The following MROH1 variants were observed in gnomAD, a reference collection of about 807,000 sequenced individuals.
MROH1 encodes maestro heat-like repeat-containing protein family member 1.
MROH1 carries 117 observed loss-of-function variants against 116.5 expected under a neutral mutation model. The ratio of observed to expected loss-of-function variants is 1.00; its 90% CI spans 0.86 to 1.17. The LOEUF is 1.17. Ranked by LOEUF, MROH1 falls within the 50% of genes most tolerant of loss-of-function variation. The pLI is 0.00. For missense variants in MROH1, 1,873 were observed against 1,338.5 expected (o/e 1.40, Z -6.23); for synonymous variants, 921 against 583.9 (o/e 1.58, Z -8.32).
intron 32 of MROH1, 107 bp downstream of exon 32, chr8:144,249,136 C>A (rs920580673): frequency 3.9e-5 from 27 of 684,988 alleles, no homozygotes; most frequent in Non-Finnish European, 6.4e-5. Context: ...GGTGGCACTG[C>A]GGGAGAAAAC....
At position 144,247,354 on chromosome 8, in the gene MROH1, G is replaced by A; in HGVS notation, c.2925G>A (p.Arg975=). Residue 975 remains arginine (R), a synonymous_variant, in exon 30 of 44, where the codon CGG becomes CGA. Coordinates refer to ENST00000326134, the MANE Select transcript of MROH1 (RefSeq NM_032450.3). The part of the protein sequence containing the change: ...LGLLIGLFSP[R]CADLWPATRQ... ...TTCTCATCGGCCTCTTCTCCCCACGGTGTGCGGACCTGTGGCCTGCCACCC... is the reference window on the plus strand; with the variant it reads ...TTCTCATCGGCCTCTTCTCCCCACGATGTGCGGACCTGTGGCCTGCCACCC... The A allele has an allele frequency of 1.3e-6, 1 of 773,148 alleles. No individual in the cohort carries two copies. The highest frequency in any genetic ancestry group is 1.7e-5 in the Admixed American group (1 of 58,278). 47.9% of individuals were successfully genotyped at this position (773,148 alleles called of 1,614,324 possible). A position where few individuals can be genotyped will look rare whatever the true frequency, so the allele number is the denominator to read the frequency against.
At chr8:144,226,928 C>A (rs1837930188) in intron 14 of MROH1, among the ~76,000 whole-genome samples, 1 of 152,150 alleles carries the variant, frequency 6.6e-6, no homozygotes, top group South Asian at 2.1e-4. Flanking sequence ...TTATTTAGAT[C>A]TTCGATTTTG....
In MROH1 at chr8:144,261,228, C is replaced by T. The variant is rs1263936492; in HGVS notation, c.4774+12C>T. 1 of 763,266 alleles carries T rather than the reference C, an allele frequency of 1.3e-6. No homozygotes were observed. The allele number at this position is 763,266 out of a possible 1,614,324, so 47.3% of individuals were successfully genotyped here. A position where few individuals can be genotyped will look rare whatever the true frequency, so the allele number is the denominator to read the frequency against. Reference sequence around the variant, plus strand: ...ACCCCTGTTCACCGGTAAGCACCACCCCCTGCCCCACCCCCACGCCGCCCG... The same window carrying T: ...ACCCCTGTTCACCGGTAAGCACCACTCCCTGCCCCACCCCCACGCCGCCCG... On this transcript the variant is annotated intron_variant, in intron 42 of 43. Coordinates refer to ENST00000326134, the MANE Select transcript of MROH1 (RefSeq NM_032450.3).
At chr8:144,241,589 C>T (rs1165218646) in intron 22 of MROH1, 72 bp downstream of exon 22, 41 of 771,898 alleles carry the variant, frequency 5.3e-5, no homozygotes, top group Non-Finnish European at 8.0e-5. Flanking sequence ...GGGTGCCCTG[C>T]GGGCTGGAGT....
At chr8:144,228,307 A>G (rs574051918) in intron 14 of MROH1, among the ~76,000 whole-genome samples, 85 of 152,358 alleles carry the variant, frequency 5.6e-4, no homozygotes, top group Non-Finnish European at 1.0e-3. Flanking sequence ...AGCAATGTAC[A>G]TGCCTTAACT....
chr8:144,172,230 T>A (rs1822625848), intron 4 of MROH1, among the ~76,000 whole-genome samples: 1 of 152,114 alleles, frequency 6.6e-6, no homozygotes. Context: ...CAGAAGAGAT[T>A]TAACTAAGAG....
At chr8:144,166,287 G>A (rs1228961646) in intron 3 of MROH1, among the ~76,000 whole-genome samples, 1 of 152,218 alleles carries the variant, frequency 6.6e-6, no homozygotes, top group Non-Finnish European at 1.5e-5. Context: ...ATGGATTTTG[G>A]AGGGACGTGG....
chr8:144,209,789 C>T (rs1454101300), intron 12 of MROH1, among the ~76,000 whole-genome samples: 1 of 150,550 alleles, frequency 6.6e-6, no homozygotes, highest in African/African-American at 2.4e-5. Flanking sequence ...ATCTGTAGTC[C>T]CAGCTACTCT....
chr8:144,169,916 C>T (rs1395150479), intron 4 of MROH1, among the ~76,000 whole-genome samples: 1 of 152,238 alleles, frequency 6.6e-6, no homozygotes, highest in African/African-American at 2.4e-5. Context: ...TCACTGCAAC[C>T]TCCACCTCCT....
chr8:144,202,099 TAA>T (rs1334768462), intron 12 of MROH1, among the ~76,000 whole-genome samples: 2 of 151,780 alleles, frequency 1.3e-5, no homozygotes. Flanking sequence ...GTCACCAGGT[TAA>T]GAGTCAGGTG....
intron 43 of MROH1, 143 bp from the exon 44 acceptor site, chr8:144,261,512 T>TA (rs1554835881): frequency 2.9e-6 from 2 of 686,976 alleles, no homozygotes; most frequent in Admixed American, 2.1e-5. Context: ...CAAAAGAGCT[T>TA]AAAAAACACT....
At position 144,180,429 on chromosome 8, in the gene MROH1, C is replaced by T. The variant is rs763222511; in HGVS notation, c.468C>T (p.Phe156=). 8.1e-6 allele frequency: 13 copies of T among 1,612,948 alleles called. No homozygotes were observed. The highest frequency in any genetic ancestry group is 1.6e-4 in the Middle Eastern group (1 of 6,082). Residue 156 remains phenylalanine (F), a synonymous_variant, in exon 7 of 44, where the codon TTC becomes TTT. Transcript: ENST00000326134. The surrounding 1 kb of genome is among the most constrained non-coding windows in gnomAD (Gnocchi z 7.4). ...TGACGGTGTCCTCTCTCACAGCGTTCGGCGTAGTCCCCTTCCTGCCATCCG... is the reference window on the plus strand; with the variant it reads ...TGACGGTGTCCTCTCTCACAGCGTTTGGCGTAGTCCCCTTCCTGCCATCCG... The part of the protein sequence containing the change: ...TLASLSVANA[F]GVVPFLPSVL...
intron 9 of MROH1, 90 bp downstream of exon 9, chr8:144,191,945 G>T (rs932479108): frequency 2.7e-6 from 4 of 1,477,892 alleles, no homozygotes; most frequent in Non-Finnish European, 2.8e-6. Flanking sequence ...CTAGGGCTCA[G>T]TGGTGGGTGG....
chr8:144,260,659 G>A lies in MROH1; in HGVS notation c.4381-18G>A, dbSNP rs2130088406. The A allele has an allele frequency of 1.3e-6, 1 of 777,650 alleles. No individual in the cohort carries two copies. Among genetic ancestry groups the A allele is most frequent in the Admixed American group, 1.7e-5 (1 of 59,040 alleles). 48.2% of individuals were successfully genotyped at this position (777,650 alleles called of 1,614,324 possible). On this transcript the variant is annotated intron_variant, in intron 39 of 43. Transcript: ENST00000326134. ...GGGCACAGCCTGTGAGGAGACGTAT[G>A]CTGCATGTCCTTCCCAGGAGAAGAT...
chr8:144,190,596 A>G lies in MROH1; in HGVS notation c.563-188A>G, dbSNP rs140073646. Among the ~76,000 whole-genome samples, 359 of 152,238 alleles carry G rather than the reference A, an allele frequency of 2.4e-3. 2 individuals are homozygous for G. Among genetic ancestry groups the G allele is most frequent in the African/African-American group, 8.4e-3 (348 of 41,544 alleles). On this transcript the variant is annotated intron_variant, in intron 7 of 43. Transcript: ENST00000326134. The stretch of plus-strand genomic sequence containing the variant: ...CACATCTGCAAAAACCCTATTTCCA[A>G]TAAGGCCATGAATTTGGAGGGACAC...
At chr8:144,237,340 C>A (rs1840223683) in intron 14 of MROH1, among the ~76,000 whole-genome samples, 1 of 152,196 alleles carries the variant, frequency 6.6e-6, no homozygotes, top group Admixed American at 6.5e-5. Context: ...TCGGTAGCAC[C>A]CTTCGAGCGC....
chr8:144,238,008 T>C (rs1266035913), intron 14 of MROH1, among the ~76,000 whole-genome samples: 2 of 152,212 alleles, frequency 1.3e-5, no homozygotes, highest in African/African-American at 4.8e-5. Flanking sequence ...TTTATTGTTA[T>C]ATTGAATCTG....
intron 7 of MROH1, among the ~76,000 whole-genome samples, chr8:144,181,560 C>T (rs1825730054): frequency 6.6e-6 from 1 of 152,206 alleles, no homozygotes; most frequent in Non-Finnish European, 1.5e-5. Flanking sequence ...TGGGGCACTC[C>T]TTCACAGGCT....
chr8:144,248,342 G>T (rs1336004604), intron 31 of MROH1, among the ~76,000 whole-genome samples: 1 of 151,656 alleles, frequency 6.6e-6, no homozygotes, highest in Non-Finnish European at 1.5e-5. Context: ...TGAGAAAGCT[G>T]CCCCTCCCTC....
Sources: allele counts gnomAD v4.1 joint callset (sites outside exome capture counted in the v4.1 genomes callset), GRCh38; gene constraint gnomAD v4.1.1; non-coding constraint Gnocchi (gnomAD v3.1); transcripts MANE v1.5; gene names NCBI Gene and HGNC (gene_info 2026-07-23, HGNC 2026-07-21).